Variants in TRMT44 observed in about 807,000 individuals in gnomAD.
The protein encoded by TRMT44 is tRNA methyltransferase 44 homolog.
In TRMT44, 78 loss-of-function variants were observed where a neutral mutation model predicts 77.3. That is an observed-to-expected ratio of 1.01 (90% CI 0.84 to 1.22). The LOEUF (loss-of-function observed/expected upper bound fraction) is 1.22, where lower values mean the gene tolerates loss of function less well. TRMT44 is among the 50% of genes most tolerant of loss of function. The pLI is 0.00. For missense variants in TRMT44, 1,090 were observed against 964.4 expected (o/e 1.13, Z -1.73); for synonymous variants, 391 against 383.3 (o/e 1.02, Z -0.23).
rs1045684230 is a variant in TRMT44 at position 8,444,829 on chromosome 4, C to T, written c.620-1647C>T. Among the ~76,000 whole-genome samples, 6 of 152,244 alleles carry T rather than the reference C, an allele frequency of 3.9e-5. No individual in the cohort carries two copies. Among genetic ancestry groups the T allele is most frequent in the African/African-American group, 9.6e-5 (4 of 41,474 alleles). On this transcript the variant is annotated intron_variant, in intron 1 of 10. Transcript: ENST00000389737. This position sits in a 1 kb window ranked among gnomAD's most constrained non-coding sequence, Gnocchi z 4.0. ...TTCACATTGCATGCCTGGATCAAAA[C>T]ATTTCATGTACCCTGTAAATATATA... is the stretch of plus-strand genomic sequence containing the variant.
In TRMT44 at chr4:8,482,598, C is replaced by T. The variant is rs372457589; in HGVS notation, n.3891+3065C>T. Among the ~76,000 whole-genome samples the T allele has an allele frequency of 3.0e-3, 450 of 152,090 alleles. 2 individuals are homozygous for T. The highest frequency in any genetic ancestry group is 4.0e-3 in the Non-Finnish European group (272 of 68,004). ...TTCTCTGGCGGGCAGGAGTGGGGGT[C>T]GCAAGGTGCTCAGTGGAGGTGCTTT... On this transcript the variant is annotated intron_variant and non_coding_transcript_variant, in intron 2 of 2. Coordinates refer to the TRMT44 transcript ENST00000511366.
chr4:8,459,485 C>G (rs1726022047), intron 6 of TRMT44, among the ~76,000 whole-genome samples: 1 of 152,152 alleles, frequency 6.6e-6, no homozygotes, highest in Non-Finnish European at 1.5e-5. Flanking sequence ...GCGGTGAAGG[C>G]AGAATTATTT....
chr4:8,503,660 T>C, the TRMT44 span, among the ~76,000 whole-genome samples: 1 of 152,228 alleles, frequency 6.6e-6, no homozygotes, highest in African/African-American at 2.4e-5. Flanking sequence ...ACAGGGTTCC[T>C]GCCATCAACG....
chr4:8,444,454 G>T lies in TRMT44; in HGVS notation c.620-2022G>T, dbSNP rs1245661329. 6.6e-6 allele frequency among the ~76,000 whole-genome samples: 1 copy of T among 151,210 alleles called. No homozygotes were observed. Among genetic ancestry groups the T allele is most frequent in the Non-Finnish European group, 1.5e-5 (1 of 67,922 alleles). On this transcript the variant is annotated intron_variant, in intron 1 of 10. Transcript: ENST00000389737. This position sits in a 1 kb window ranked among gnomAD's most constrained non-coding sequence, Gnocchi z 4.0. Reference sequence around the variant, plus strand: ...GCTCTGTGGCCCAGGCTAGAGTGCAGTGGTGTGATTTCAGCTCACTGCAAC... The same window carrying T: ...GCTCTGTGGCCCAGGCTAGAGTGCATTGGTGTGATTTCAGCTCACTGCAAC...
At chr4:8,478,985 C>T (rs1727523930), downstream of TRMT44, 1 of 152,240 alleles carries the variant, frequency 6.6e-6, no homozygotes, top group African/African-American at 2.4e-5. Flanking sequence ...TCACGTAGGC[C>T]TTGGCTCGTG....
the TRMT44 span, among the ~76,000 whole-genome samples, chr4:8,504,025 C>T: frequency 0.058 from 8,866 of 152,238 alleles, 614 homozygotes; most frequent in African/African-American, 0.18. This position sits in a 1 kb window ranked among gnomAD's most constrained non-coding sequence, Gnocchi z 5.3. Flanking sequence ...GCAGTCCCCG[C>T]ACCCGTCCAC....
rs1001646332 is a variant in TRMT44 at position 8,449,776 on chromosome 4, G to A, written c.842G>A (p.Trp281Ter). 1 of 1,535,830 alleles carries A rather than the reference G, an allele frequency of 6.5e-7. No individual in the cohort carries two copies. The highest frequency in any genetic ancestry group is 1.2e-5 in the South Asian group (1 of 84,044). Residue 281 changes from tryptophan (W) to a stop codon, truncating the protein, a stop_gained, in exon 3 of 11, where the codon TGG (tryptophan) becomes TAG (stop). Coordinates refer to ENST00000389737, the MANE Select transcript of TRMT44 (RefSeq NM_152544.3). LOFTEE classifies it high-confidence loss of function. ...GEELLAKLAK[W>*]SVENKKSDFK... ...GAGTTGCTGGCCAAGTTGGCCAAGT[G>A]GTCTGTAGAGAACAAGAAGAGTGAC... is the stretch of plus-strand genomic sequence containing the variant.
intron 6 of TRMT44, among the ~76,000 whole-genome samples, chr4:8,459,750 G>A (rs1726034333): frequency 6.6e-6 from 1 of 152,152 alleles, no homozygotes; most frequent in Non-Finnish European, 1.5e-5. Context: ...ACATATTTGA[G>A]TGTCCCCTAC....
intron 2 of TRMT44, among the ~76,000 whole-genome samples, chr4:8,447,506 A>G (rs2631754): frequency 0.71 from 107,986 of 152,038 alleles, 39,208 homozygotes; most frequent in African/African-American, 0.86. Context: ...AAGCAGAGGG[A>G]TGTGGCGAGA....
chr4:8,465,306 G>A (rs950477458), intron 7 of TRMT44, 72 bp from the exon 8 acceptor site: 4 of 1,460,600 alleles, frequency 2.7e-6, no homozygotes, highest in Non-Finnish European at 2.8e-6. Flanking sequence ...TTGCCGTGTG[G>A]CTTTGTTCCG....
chr4:8,483,702 A>G (rs1253810427), intron 2 of TRMT44, among the ~76,000 whole-genome samples: 1 of 152,206 alleles, frequency 6.6e-6, no homozygotes, highest in Non-Finnish European at 1.5e-5. Flanking sequence ...AGAGCCTGAA[A>G]AACTGCTTGG....
intron 10 of TRMT44, among the ~76,000 whole-genome samples, chr4:8,472,665 G>C (rs79103695): frequency 0.019 from 2,950 of 152,298 alleles, 105 homozygotes; most frequent in African/African-American, 0.067. Context: ...GGTGAGAGCT[G>C]CTGTTGGGTG....
At position 8,452,152 on chromosome 4, in the gene TRMT44, G is replaced by T; in HGVS notation, c.1023+124G>T. On this transcript the variant is annotated intron_variant, in intron 4 of 10. Coordinates refer to ENST00000389737, the MANE Select transcript of TRMT44 (RefSeq NM_152544.3). This position sits in a 1 kb window ranked among gnomAD's most constrained non-coding sequence, Gnocchi z 5.7. ...CGGTGCTCACAATTCTGCTGGCCAA[G>T]GTTGGTTTCTCGTGTAATGGTTTGA... 1.1e-6 allele frequency: 1 copy of T among 896,690 alleles called. No individual in the cohort carries two copies. The highest frequency in any genetic ancestry group is 1.7e-6 in the Non-Finnish European group (1 of 576,356). 55.5% of individuals were successfully genotyped at this position (896,690 alleles called of 1,614,324 possible).
At chr4:8,481,774 G>C (rs190028721) in intron 2 of TRMT44, among the ~76,000 whole-genome samples, 1 of 152,154 alleles carries the variant, frequency 6.6e-6, no homozygotes, top group Non-Finnish European at 1.5e-5. Flanking sequence ...CCACCTCCTC[G>C]TCTTGTCCCA....
At chr4:8,463,507 C>T (rs1356669723) in intron 6 of TRMT44, among the ~76,000 whole-genome samples, 1 of 152,190 alleles carries the variant, frequency 6.6e-6, no homozygotes, top group Non-Finnish European at 1.5e-5. Flanking sequence ...AATTCTCTGT[C>T]TATTCATAGA....
chr4:8,515,322 A>T, the TRMT44 span, among the ~76,000 whole-genome samples: 1 of 152,178 alleles, frequency 6.6e-6, no homozygotes, highest in Non-Finnish European at 1.5e-5. Flanking sequence ...GCTCAGAGGA[A>T]ATGGTCATGG....
intron 10 of TRMT44, among the ~76,000 whole-genome samples, chr4:8,474,011 G>T (rs1004843335): frequency 6.6e-6 from 1 of 152,254 alleles, no homozygotes; most frequent in African/African-American, 2.4e-5. Flanking sequence ...AAACATGGTT[G>T]GGTGTGCTCT....
the TRMT44 span, among the ~76,000 whole-genome samples, chr4:8,499,691 A>G: frequency 8.5e-5 from 13 of 152,140 alleles, no homozygotes; most frequent in African/African-American, 2.4e-4. Flanking sequence ...GTTCTCATCT[A>G]TAAGTGGGAA....
intron 2 of TRMT44, among the ~76,000 whole-genome samples, chr4:8,449,454 C>T (rs73211373): frequency 0.016 from 2,418 of 152,278 alleles, 18 homozygotes; most frequent in Middle Eastern, 0.037. Context: ...GTAAATATAT[C>T]CTTAACAAAG....
Sources: gnomAD v4.1 joint callset for allele counts (sites outside exome capture counted in the v4.1 genomes callset) on GRCh38, gnomAD v4.1.1 for gene constraint, Gnocchi (gnomAD v3.1) non-coding constraint, MANE v1.5 for transcripts, NCBI Gene and HGNC (gene_info 2026-07-23, HGNC 2026-07-21) for gene names.